Variants in OR6C74 observed in about 807,000 individuals in gnomAD.
The protein encoded by OR6C74 is olfactory receptor family 6 subfamily C member 74.
For missense variants in OR6C74, 361 were observed against 362.9 expected, an observed-to-expected ratio of 0.99 and a Z score of 0.04; for synonymous variants, 142 against 134.2, an observed-to-expected ratio of 1.06 and a Z score of -0.40.
At chr12:55,246,997 C>G (rs1008593112) in intron 1 of OR6C74, among the ~76,000 whole-genome samples, 1 of 152,080 alleles carries the variant, frequency 6.6e-6, no homozygotes, top group African/African-American at 2.4e-5. Flanking sequence ...TATGATAGTT[C>G]TTGTGTTTGT....
chr12:55,253,325 G>A lies in OR6C74; in HGVS notation c.*5099G>A, dbSNP rs1019046387. On this transcript the variant is annotated 3_prime_UTR_variant, in exon 2 of 2. Transcript: ENST00000343399. ...GCTAAAATTTATCTGTGTTAGGAGA[G>A]GCAGACAGTTGAGTTCAATGGGTAT... is the stretch of plus-strand genomic sequence containing the variant. Among the ~76,000 whole-genome samples the A allele has an allele frequency of 6.6e-6, 1 of 152,016 alleles. No individual in the cohort carries two copies. Among genetic ancestry groups the A allele is most frequent in the Admixed American group, 6.6e-5 (1 of 15,238 alleles).
rs779400096 is a variant in OR6C74, at chr12:55,247,515, T to C, written c.228T>C (p.Ile76=). Residue 76 remains isoleucine, a synonymous_variant, in exon 2 of 2, where the codon ATT becomes ATC. Transcript: ENST00000343399. ...AAGTCTCATTCACAACTGTCTACAT[T>C]CCCAAATTTCTTGTTAGTATGGCAA... ...FLEVSFTTVY[I]PKFLVSMATG... The C allele has an allele frequency of 3.1e-6, 5 of 1,613,330 alleles. No homozygotes were observed. The highest frequency in any genetic ancestry group is 1.1e-5 in the South Asian group (1 of 90,946).
At position 55,256,302 on chromosome 12, in the gene OR6C74, A is replaced by G. The variant is rs1324045231; in HGVS notation, c.*8076A>G. ...CTGTTCATATGGATAAGATAGGGCT[A>G]TAAACGCCCTCATCTTGCCACAGCT... is the stretch of plus-strand genomic sequence containing the variant. On this transcript the variant is annotated 3_prime_UTR_variant, in exon 2 of 2. Coordinates refer to ENST00000343399, the MANE Select transcript of OR6C74 (RefSeq NM_001005490.2). Among the ~76,000 whole-genome samples, 3 of 152,188 alleles carry G rather than the reference A, an allele frequency of 2.0e-5. No individual in the cohort carries two copies. The East Asian group carries it at 5.8e-4, about 29-fold the overall frequency.
rs917570318 is a variant in OR6C74, at chr12:55,249,583, A to G, written c.*1357A>G. ...ATATCTAAATAAATATTAACAGGGC[A>G]CTGAGAAGCTGAGAAGATTCAAATA... On this transcript the variant is annotated 3_prime_UTR_variant, in exon 2 of 2. Coordinates refer to ENST00000343399, the MANE Select transcript of OR6C74 (RefSeq NM_001005490.2). Among the ~76,000 whole-genome samples, 3 of 152,116 alleles carry G rather than the reference A, an allele frequency of 2.0e-5. No homozygotes were observed. The highest frequency in any genetic ancestry group is 7.2e-5 in the African/African-American group (3 of 41,444).
At chr12:55,246,858 A>G (rs1184739767) in intron 1 of OR6C74, among the ~76,000 whole-genome samples, 3 of 152,214 alleles carry the variant, frequency 2.0e-5, no homozygotes, top group Non-Finnish European at 2.9e-5. Flanking sequence ...AATGAATAGC[A>G]AAGTCTAGAA....
At chr12:55,245,898 A>T (rs777514351) in intron 1 of OR6C74, among the ~76,000 whole-genome samples, 1 of 152,174 alleles carries the variant, frequency 6.6e-6, no homozygotes, top group Non-Finnish European at 1.5e-5. Flanking sequence ...GATCAACCAA[A>T]AATAATGGGA....
rs1050161496 is a variant in OR6C74, at chr12:55,249,846, G to A, written c.*1620G>A. 2.6e-5 allele frequency among the ~76,000 whole-genome samples: 4 copies of A among 151,960 alleles called. No individual in the cohort carries two copies. The highest frequency in any genetic ancestry group is 9.7e-5 in the African/African-American group (4 of 41,366). Reference sequence around the variant, plus strand: ...ATGTATACATGTGCCATGTTGGTGTGCTGCACCCATTAACTTGTCATTTAC... The same window carrying A: ...ATGTATACATGTGCCATGTTGGTGTACTGCACCCATTAACTTGTCATTTAC... On this transcript the variant is annotated 3_prime_UTR_variant, in exon 2 of 2. Transcript: ENST00000343399.
Position 55,254,063 on chromosome 12 carries a change from A to C in OR6C74, c.*5837A>C. Among the ~76,000 whole-genome samples, 1 of 152,210 alleles carries C rather than the reference A, an allele frequency of 6.6e-6. No homozygotes were observed. The highest frequency in any genetic ancestry group is 2.1e-4 in the South Asian group (1 of 4,826). On this transcript the variant is annotated 3_prime_UTR_variant, in exon 2 of 2. Coordinates refer to ENST00000343399, the MANE Select transcript of OR6C74 (RefSeq NM_001005490.2). Reference sequence around the variant, plus strand: ...CTTCGGCCATACTGACCAATAAGTAACCACACTGAATATGCTCATATCAGT... The same window carrying C: ...CTTCGGCCATACTGACCAATAAGTACCCACACTGAATATGCTCATATCAGT...
intron 1 of OR6C74, among the ~76,000 whole-genome samples, chr12:55,246,588 G>A (rs1477774090): frequency 6.6e-6 from 1 of 152,146 alleles, no homozygotes; most frequent in Non-Finnish European, 1.5e-5. Context: ...CATAACACAA[G>A]CATCATGTAT....
chr12:55,247,566 C>A lies in OR6C74; in HGVS notation c.279C>A (p.Asn93Lys), dbSNP rs144439510. ...MATGDKTISY[N>K]DCAAQLFFTI... Reference sequence around the variant, plus strand: ...CAGGTGATAAGACCATTTCTTACAACGATTGTGCAGCACAGCTGTTTTTCA... The same window carrying A: ...CAGGTGATAAGACCATTTCTTACAAAGATTGTGCAGCACAGCTGTTTTTCA... The change falls in exon 2 of 2, where the codon AAC becomes AAA. Residue 93 changes from asparagine to lysine, a missense_variant. By Grantham distance (94) the Asn-to-Lys change is moderately conservative (BLOSUM62 0). Coordinates refer to ENST00000343399, the MANE Select transcript of OR6C74 (RefSeq NM_001005490.2). 8.2e-5 allele frequency: 133 copies of A among 1,613,388 alleles called. 1 individual carries two copies. The African/African-American group carries it at 1.7e-3, about 20-fold the overall frequency.
At position 55,256,125 on chromosome 12, in the gene OR6C74, G is replaced by GCTT. The variant is rs1954343013; in HGVS notation, c.*7901_*7903dup. ...AGAATGAGCCAACAGCACATGATGTGCTTCCCCCTGCAGAGAGCCTACGAA... is the reference window on the plus strand; with the variant it reads ...AGAATGAGCCAACAGCACATGATGTGCTTCTTCCCCCTGCAGAGAGCCTACGAA... On this transcript the variant is annotated 3_prime_UTR_variant, in exon 2 of 2. Coordinates refer to ENST00000343399, the MANE Select transcript of OR6C74 (RefSeq NM_001005490.2). 6.6e-6 allele frequency among the ~76,000 whole-genome samples: 1 copy of GCTT among 152,098 alleles called. No homozygotes were observed. Among genetic ancestry groups the GCTT allele is most frequent in the Non-Finnish European group, 1.5e-5 (1 of 67,988 alleles).
Position 55,247,490 on chromosome 12 carries a change from A to T in OR6C74, c.203A>T (p.Glu68Val). 1 of 1,613,818 alleles carries T rather than the reference A, an allele frequency of 6.2e-7. No individual in the cohort carries two copies. Among genetic ancestry groups the T allele is most frequent in the Middle Eastern group, 1.7e-4 (1 of 6,054 alleles). The stretch of plus-strand genomic sequence containing the variant: ...TTCCTCCGAAATTTCTCATTTTTAG[A>T]AGTCTCATTCACAACTGTCTACATT... ...YFFLRNFSFL[E>V]VSFTTVYIPK... The change falls in exon 2 of 2, where the codon GAA (glutamate) becomes GTA (valine). Residue 68 changes from glutamate (E) to valine (V), a missense_variant. By Grantham distance (121) the Glu-to-Val change is moderately radical. Transcript: ENST00000343399.
chr12:55,251,262 A>G lies in OR6C74; in HGVS notation c.*3036A>G, dbSNP rs1296935585. ...CTTCAATCAGTTAAAGTTAATTAAC[A>G]TGGAGACTTCTGTGGAAGGCTGGTC... On this transcript the variant is annotated 3_prime_UTR_variant, in exon 2 of 2. Coordinates refer to ENST00000343399, the MANE Select transcript of OR6C74 (RefSeq NM_001005490.2). Among the ~76,000 whole-genome samples the G allele has an allele frequency of 6.6e-6, 1 of 152,112 alleles. No homozygotes were observed. The highest frequency in any genetic ancestry group is 1.5e-5 in the Non-Finnish European group (1 of 67,970).
At position 55,247,662 on chromosome 12, in the gene OR6C74, C is replaced by T. The variant is rs762678970; in HGVS notation, c.375C>T (p.Cys125=). ...AMSYERYVAI[C]KPLHYTTIMS... ...CCTATGAGCGCTATGTGGCCATCTG[C>T]AAACCCCTGCATTACACCACCATCA... The change falls in exon 2 of 2, where the codon TGC becomes TGT. Residue 125 remains cysteine, a synonymous_variant. Coordinates refer to ENST00000343399, the MANE Select transcript of OR6C74 (RefSeq NM_001005490.2). 1 of 1,613,946 alleles carries T rather than the reference C, an allele frequency of 6.2e-7. No individual in the cohort carries two copies. Among genetic ancestry groups the T allele is most frequent in the Non-Finnish European group, 8.5e-7 (1 of 1,179,946 alleles).
In OR6C74 at chr12:55,250,932, T is replaced by C. The variant is rs1954307978; in HGVS notation, c.*2706T>C. Among the ~76,000 whole-genome samples, 1 of 152,118 alleles carries C rather than the reference T, an allele frequency of 6.6e-6. No homozygotes were observed. The highest frequency in any genetic ancestry group is 1.5e-5 in the Non-Finnish European group (1 of 67,988). ...CAAGGTATGTCAATTGTCTATTACA[T>C]AGCCTTCCTGCCTTTGATCTCTAAC... On this transcript the variant is annotated 3_prime_UTR_variant, in exon 2 of 2. Coordinates refer to ENST00000343399, the MANE Select transcript of OR6C74 (RefSeq NM_001005490.2).
rs761830715 is a variant in OR6C74, at chr12:55,247,265, A to C, written c.-9-14A>C. The C allele has an allele frequency of 7.0e-6, 10 of 1,430,838 alleles. No individual in the cohort carries two copies. The highest frequency in any genetic ancestry group is 2.1e-5 in the Admixed American group (1 of 48,132). 88.6% of individuals were successfully genotyped at this position (1,430,838 alleles called of 1,614,324 possible). A position where few individuals can be genotyped will look rare whatever the true frequency, so the allele number is the denominator to read the frequency against. On this transcript the variant is annotated splice_polypyrimidine_tract_variant and intron_variant, in intron 1 of 1. Coordinates refer to ENST00000343399, the MANE Select transcript of OR6C74 (RefSeq NM_001005490.2). ...CTCTTCTGTTCTAATTTTTCTTCTT[A>C]TTTTTAAAAATAGAAATCAACTATG...
rs1460525092 is a variant in OR6C74, at chr12:55,250,500, C to T, written c.*2274C>T. 1.3e-5 allele frequency among the ~76,000 whole-genome samples: 2 copies of T among 151,952 alleles called. No homozygotes were observed. Among genetic ancestry groups the T allele is most frequent in the Admixed American group, 6.6e-5 (1 of 15,256 alleles). On this transcript the variant is annotated 3_prime_UTR_variant, in exon 2 of 2. Transcript: ENST00000343399. ...CAGAAAAAGCAAAAGGAAAGAAACC[C>T]TAGGCCTAAGTTACGATGGGAAAAG...
At position 55,248,309 on chromosome 12, in the gene OR6C74, T is replaced by A. The variant is rs1954290647; in HGVS notation, c.*83T>A. On this transcript the variant is annotated 3_prime_UTR_variant, in exon 2 of 2. Transcript: ENST00000343399. ...TGTGCAAAGTTTTTCAATGTTTGTA[T>A]TCAATAATATTACCTCTTTTTTGAC... The A allele has an allele frequency of 3.8e-6, 3 of 782,552 alleles. No homozygotes were observed. The highest frequency in any genetic ancestry group is 4.0e-6 in the Non-Finnish European group (2 of 498,224). 48.5% of individuals were successfully genotyped at this position (782,552 alleles called of 1,614,324 possible).
chr12:55,254,525 G>A lies in OR6C74; in HGVS notation c.*6299G>A, dbSNP rs1440107281. The stretch of plus-strand genomic sequence containing the variant: ...AGATCAGAGCCTACCTTTGTTTTCA[G>A]CACCAAGTGACATGAGGATTTAAGA... On this transcript the variant is annotated 3_prime_UTR_variant, in exon 2 of 2. Transcript: ENST00000343399. Among the ~76,000 whole-genome samples the A allele has an allele frequency of 6.6e-6, 1 of 151,576 alleles. No homozygotes were observed. The highest frequency in any genetic ancestry group is 1.5e-5 in the Non-Finnish European group (1 of 67,588).
Sources: allele counts gnomAD v4.1 joint callset (sites outside exome capture counted in the v4.1 genomes callset), GRCh38; gene constraint gnomAD v4.1.1; transcripts MANE v1.5; gene names NCBI Gene and HGNC (gene_info 2026-07-23, HGNC 2026-07-21).